BLTP3B: variants seen among roughly 807,000 people sequenced by gnomAD.
The protein encoded by BLTP3B is UHRF1 (ICBP90) binding protein 1-like.
chr12:100,073,008 A>C, the BLTP3B span, among the ~76,000 whole-genome samples: 1 of 152,198 alleles, frequency 6.6e-6, no homozygotes, highest in Admixed American at 6.5e-5. Context: ...AAAACTCTAT[A>C]ATCTTTTTGG....
the BLTP3B span, chr12:100,142,456 C>T: frequency 6.2e-6 from 6 of 965,814 alleles, no homozygotes; most frequent in African/African-American, 6.9e-5. Flanking sequence ...GCGACCTCTG[C>T]CCCGGCCAGA....
chr12:100,115,661 G>A, the BLTP3B span, among the ~76,000 whole-genome samples: 1 of 151,806 alleles, frequency 6.6e-6, no homozygotes, highest in African/African-American at 2.4e-5. Flanking sequence ...CTACCTGGGA[G>A]ACTGAGGTAG....
chr12:100,101,151 T>C, the BLTP3B span, among the ~76,000 whole-genome samples: 3 of 152,220 alleles, frequency 2.0e-5, no homozygotes, highest in Non-Finnish European at 4.4e-5. Context: ...AAATCTGAAG[T>C]TGCAGGATGA....
the BLTP3B span, among the ~76,000 whole-genome samples, chr12:100,121,372 A>AAC: frequency 6.6e-6 from 1 of 150,726 alleles, no homozygotes; most frequent in African/African-American, 2.5e-5. Flanking sequence ...AAAAAAAAAA[A>AAC]ACAGAAAATG....
the BLTP3B span, among the ~76,000 whole-genome samples, chr12:100,075,996 G>A: frequency 1.4e-4 from 21 of 152,088 alleles, no homozygotes; most frequent in Admixed American, 3.3e-4. Context: ...AAACCTACCT[G>A]TTGGGTACTA....
the BLTP3B span, among the ~76,000 whole-genome samples, chr12:100,091,395 G>A: frequency 1.3e-5 from 2 of 150,296 alleles, no homozygotes; most frequent in Non-Finnish European, 3.0e-5. Context: ...TCACCACGTT[G>A]GACAGGCTGG....
the BLTP3B span, among the ~76,000 whole-genome samples, chr12:100,067,734 A>G: frequency 6.6e-6 from 1 of 152,254 alleles, no homozygotes; most frequent in South Asian, 2.1e-4. Context: ...CCAGCTAAAA[A>G]AAAACACAAA....
At chr12:100,057,738 G>C in the BLTP3B span, 6 of 1,599,920 alleles carry the variant, frequency 3.8e-6, no homozygotes, top group Non-Finnish European at 5.1e-6. Flanking sequence ...ACGTTCCTTA[G>C]GCTTTCCACT....
At chr12:100,137,483 A>G in the BLTP3B span, among the ~76,000 whole-genome samples, 2 of 152,068 alleles carry the variant, frequency 1.3e-5, no homozygotes, top group Admixed American at 1.3e-4. Context: ...GAGACTGGCT[A>G]ATTTTTGTAT....
At chr12:100,120,042 T>C in the BLTP3B span, among the ~76,000 whole-genome samples, 1 of 152,212 alleles carries the variant, frequency 6.6e-6, no homozygotes, top group Non-Finnish European at 1.5e-5. Flanking sequence ...TACCTACAAT[T>C]TTTTTTAAAT....
chr12:100,085,738 T>G, the BLTP3B span, among the ~76,000 whole-genome samples: 1 of 152,152 alleles, frequency 6.6e-6, no homozygotes, highest in Non-Finnish European at 1.5e-5. Flanking sequence ...CAAATTAATT[T>G]GGTCACAATA....
chr12:100,072,674 G>A, the BLTP3B span: 2 of 1,510,432 alleles, frequency 1.3e-6, no homozygotes. Context: ...TCTCTTACTT[G>A]GAAAATCCTT....
chr12:100,078,046 T>A, the BLTP3B span, among the ~76,000 whole-genome samples: 4 of 152,172 alleles, frequency 2.6e-5, no homozygotes, highest in Non-Finnish European at 5.9e-5. Flanking sequence ...TTCCTATTTA[T>A]GGTTGGCCCC....
At chr12:100,142,826 C>G in the BLTP3B span, 1 of 760,190 alleles carries the variant, frequency 1.3e-6, no homozygotes, top group Non-Finnish European at 2.0e-6. Flanking sequence ...CTCAGGCCGC[C>G]ACGGCCGCCG....
At chr12:100,048,333 A>G in the BLTP3B span, 3 of 856,454 alleles carry the variant, frequency 3.5e-6, no homozygotes, top group Non-Finnish European at 5.0e-6. Flanking sequence ...TACATATACA[A>G]TATACGTACA....
At chr12:100,097,428 A>C in the BLTP3B span, 1 of 1,613,592 alleles carries the variant, frequency 6.2e-7, no homozygotes, top group Non-Finnish European at 8.5e-7. Context: ...GAGCACACAT[A>C]ATTTCAAGAT....
the BLTP3B span, among the ~76,000 whole-genome samples, chr12:100,121,211 G>T: frequency 6.6e-6 from 1 of 151,810 alleles, no homozygotes; most frequent in Admixed American, 6.6e-5. Flanking sequence ...TTAGTGGGGT[G>T]TGGTAGCACA....
At chr12:100,044,308 C>T in the BLTP3B span, among the ~76,000 whole-genome samples, 1 of 152,264 alleles carries the variant, frequency 6.6e-6, no homozygotes, top group African/African-American at 2.4e-5. Context: ...AGAAGGCTCC[C>T]ACTAACTGTT....
the BLTP3B span, chr12:100,098,210 CCT>C: frequency 1.2e-6 from 1 of 854,350 alleles, no homozygotes; most frequent in Admixed American, 3.0e-5. Context: ...AGAGTGAGAC[CCT>C]GTCTCCCCGC....
Sources: gnomAD v4.1 joint callset for allele counts (sites outside exome capture counted in the v4.1 genomes callset) on GRCh38, gnomAD v4.1.1 for gene constraint, MANE v1.5 for transcripts, NCBI Gene and HGNC (gene_info 2026-07-23, HGNC 2026-07-21) for gene names.